The following ACSL3 variants were observed in gnomAD, a reference collection of about 807,000 sequenced individuals.
ACSL3 encodes acyl-CoA synthetase long chain family member 3, also known as fatty acid CoA ligase Acsl3.
A neutral mutation model predicts 84.7 loss-of-function variants in ACSL3; 34 were observed. The observed-to-expected ratio is 0.40, with a 90% CI of 0.31 to 0.53. ACSL3 has a LOEUF of 0.53. Ranked by LOEUF, ACSL3 falls within the 20% of genes least tolerant of loss-of-function variation. The pLI, the probability that ACSL3 is intolerant of heterozygous loss-of-function variation, is 0.48. For missense variants in ACSL3, 680 were observed against 873.1 expected, an observed-to-expected ratio of 0.78 and a Z score of 2.79; for synonymous variants, 315 against 299.4, an observed-to-expected ratio of 1.05 and a Z score of -0.54.
intron 1 of ACSL3, among the ~76,000 whole-genome samples, chr2:222,876,829 TG>T (rs1428087839): frequency 1.3e-5 from 2 of 152,118 alleles, no homozygotes; most frequent in African/African-American, 4.8e-5. Context: ...AAAATACAGT[TG>T]TAATAAGTTA....
Position 222,937,574 on chromosome 2 carries a change from A to G in ACSL3, c.2005+2887A>G, listed in dbSNP as rs149764414. On this transcript the variant is annotated intron_variant, in intron 16 of 16. Coordinates refer to ENST00000357430, the MANE Select transcript of ACSL3 (RefSeq NM_004457.5). ...TTGTAATTAATGTCCTTCTTTGTCT[A>G]TTGTGACAATTTTTGTCTTAAAGTC... Among the ~76,000 whole-genome samples the G allele has an allele frequency of 2.7e-3, 409 of 152,208 alleles. 2 individuals carry two copies. Among genetic ancestry groups the G allele is most frequent in the Middle Eastern group, 6.8e-3 (2 of 294 alleles).
chr2:222,893,748 C>T (rs1695898704), intron 2 of ACSL3, among the ~76,000 whole-genome samples: 1 of 151,844 alleles, frequency 6.6e-6, no homozygotes, highest in Non-Finnish European at 1.5e-5. Context: ...CGCCTCCTTT[C>T]CCTCTCCTTC....
At chr2:222,890,697 A>G (rs1467332666) in intron 2 of ACSL3, among the ~76,000 whole-genome samples, 1 of 152,152 alleles carries the variant, frequency 6.6e-6, no homozygotes, top group African/African-American at 2.4e-5. Context: ...GCTGAGGTGC[A>G]GTGGCGCAAT....
chr2:222,903,209 C>G (rs574167348), intron 3 of ACSL3, among the ~76,000 whole-genome samples: 3 of 152,170 alleles, frequency 2.0e-5, no homozygotes, highest in Non-Finnish European at 4.4e-5. Context: ...ATGATCTTAA[C>G]TTATCGCACT....
chr2:222,906,771 C>T (rs1351242553), intron 3 of ACSL3, among the ~76,000 whole-genome samples: 3 of 152,058 alleles, frequency 2.0e-5, no homozygotes, highest in African/African-American at 7.2e-5. Flanking sequence ...TGTACCATCA[C>T]GCCCAGCTAA....
At chr2:222,873,128 T>C (rs1695349859) in intron 1 of ACSL3, among the ~76,000 whole-genome samples, 1 of 152,186 alleles carries the variant, frequency 6.6e-6, no homozygotes, top group African/African-American at 2.4e-5. Context: ...ATTTTATTAT[T>C]ACAAAATTTG....
intron 13 of ACSL3, among the ~76,000 whole-genome samples, chr2:222,930,256 T>C (rs1010693242): frequency 6.6e-6 from 1 of 152,200 alleles, no homozygotes; most frequent in Non-Finnish European, 1.5e-5. Context: ...AGGGATTTGT[T>C]CTATTAATTG....
chr2:222,880,377 G>GT (rs1018128615), intron 1 of ACSL3, among the ~76,000 whole-genome samples: 1 of 151,820 alleles, frequency 6.6e-6, no homozygotes, highest in East Asian at 1.9e-4. Context: ...TATATTCAGG[G>GT]TTTTTTTGTG....
chr2:222,880,505 CT>C (rs1695562827), intron 1 of ACSL3, among the ~76,000 whole-genome samples: 1 of 151,984 alleles, frequency 6.6e-6, no homozygotes, highest in Non-Finnish European at 1.5e-5. Context: ...GTTTCAATTT[CT>C]AACTGGTGAT....
chr2:222,889,086 G>A (rs1695786507), intron 2 of ACSL3, among the ~76,000 whole-genome samples: 1 of 152,152 alleles, frequency 6.6e-6, no homozygotes, highest in Admixed American at 6.5e-5. Context: ...CAATAAAATT[G>A]AAATTGCAAA....
At position 222,896,057 on chromosome 2, in the gene ACSL3, C is replaced by T. The variant is rs1574534140; in HGVS notation, c.-147-4617C>T. 2.8e-4 allele frequency among the ~76,000 whole-genome samples: 2 copies of T among 7,204 alleles called. 1 individual carries two copies. Among genetic ancestry groups the T allele is most frequent in the Non-Finnish European group, 4.1e-4 (2 of 4,858 alleles). The allele number at this position is 7,204 out of a possible 152,430, so 4.7% of individuals were successfully genotyped here. A position where few individuals can be genotyped will look rare whatever the true frequency, so the allele number is the denominator to read the frequency against. Reference sequence around the variant, plus strand: ...CTCCTCACTTCCCAGTAGGGGCGGCCGGGCAGAAGCGCCCCTCACCTCCCG... The same window carrying T: ...CTCCTCACTTCCCAGTAGGGGCGGCTGGGCAGAAGCGCCCCTCACCTCCCG... On this transcript the variant is annotated intron_variant, in intron 2 of 16. Coordinates refer to ENST00000357430, the MANE Select transcript of ACSL3 (RefSeq NM_004457.5).
rs140575771 is a variant in ACSL3, at chr2:222,921,098, A to G, written c.806-182A>G. 5.7e-3 allele frequency: 4,109 copies of G among 720,246 alleles called. 57 individuals are homozygous for G. The highest frequency in any genetic ancestry group is 4.1e-3 in the Non-Finnish European group (1,628 of 394,942). The allele number at this position is 720,246 out of a possible 1,614,324, so 44.6% of individuals were successfully genotyped here. ...ATCTGTTTGTATATCTCAATAGAAT[A>G]TATCTCCCATACGTGCAGGGACTTG... On this transcript the variant is annotated intron_variant, in intron 7 of 16. Transcript: ENST00000357430.
At chr2:222,878,708 A>G (rs1020838893) in intron 1 of ACSL3, among the ~76,000 whole-genome samples, 1 of 152,134 alleles carries the variant, frequency 6.6e-6, no homozygotes, top group South Asian at 2.1e-4. Flanking sequence ...CTTTCCCACA[A>G]ACTTAACATC....
At chr2:222,924,419 A>G in intron 10 of ACSL3, 37 bp from the exon 11 acceptor site, 5 of 1,514,726 alleles carry the variant, frequency 3.3e-6, no homozygotes, top group South Asian at 1.3e-5. Flanking sequence ...GGCAGCTGTT[A>G]TTATTAACTA....
chr2:222,869,158 T>C (rs2106082466), intron 1 of ACSL3, among the ~76,000 whole-genome samples: 1 of 152,298 alleles, frequency 6.6e-6, no homozygotes, highest in South Asian at 2.1e-4. Flanking sequence ...TATATTATCC[T>C]ATGTCATCAA....
Position 222,934,558 on chromosome 2 carries a change from G to T in ACSL3, c.1876G>T (p.Val626Leu). The change falls in exon 16 of 17, where the codon GTG becomes TTG. Residue 626 changes from valine to leucine, a missense_variant. Transcript: ENST00000357430. ...SYHSYVIGFV[V>L]PNQKELTELA... ...TCATTCTTATGTCATTGGATTTGTT[G>T]TGCCAAATCAAAAGGAACTAACTGA... The T allele has an allele frequency of 6.3e-7, 1 of 1,581,734 alleles. No homozygotes were observed. Among genetic ancestry groups the T allele is most frequent in the African/African-American group, 1.4e-5 (1 of 74,048 alleles).
intron 13 of ACSL3, among the ~76,000 whole-genome samples, chr2:222,930,338 C>T (rs1354780952): frequency 6.6e-6 from 1 of 151,708 alleles, no homozygotes; most frequent in Non-Finnish European, 1.5e-5. Flanking sequence ...AATAATTTGT[C>T]TCTTGTATTT....
At chr2:222,868,764 T>A (rs1695217938) in intron 1 of ACSL3, among the ~76,000 whole-genome samples, 1 of 152,054 alleles carries the variant, frequency 6.6e-6, no homozygotes, top group South Asian at 2.1e-4. Flanking sequence ...CTGGCCAATG[T>A]GGCATGAGTC....
intron 3 of ACSL3, among the ~76,000 whole-genome samples, chr2:222,904,406 G>C (rs1184434214): frequency 1.3e-5 from 2 of 152,114 alleles, no homozygotes. Flanking sequence ...GTATAGGAAC[G>C]GTGGGTCTGC....
Sources: gnomAD v4.1 joint callset for allele counts (sites outside exome capture counted in the v4.1 genomes callset) on GRCh38, gnomAD v4.1.1 for gene constraint, MANE v1.5 for transcripts, NCBI Gene and HGNC (gene_info 2026-07-23, HGNC 2026-07-21) for gene names.